The following B4GALT5 variants were observed in gnomAD, a reference collection of about 807,000 sequenced individuals.
The protein encoded by B4GALT5 is beta-1,4-galactosyltransferase 5.
A neutral mutation model predicts 45.0 loss-of-function variants in B4GALT5; 11 were observed. The ratio of observed to expected loss-of-function variants is 0.24; its 90% CI spans 0.15 to 0.40. B4GALT5 has a LOEUF of 0.40. B4GALT5 is among the 10% of genes least tolerant of loss of function. The probability of loss-of-function intolerance (pLI) is 1.00; values close to 1 mark genes in which losing one functional copy is unlikely to be tolerated. For missense variants in B4GALT5, 337 were observed against 500.2 expected, an observed-to-expected ratio of 0.67 and a Z score of 3.11; for synonymous variants, 185 against 182.9, an observed-to-expected ratio of 1.01 and a Z score of -0.09.
At chr20:49,677,625 G>A (rs1472345373) in intron 1 of B4GALT5, among the ~76,000 whole-genome samples, 2 of 152,150 alleles carry the variant, frequency 1.3e-5, no homozygotes, top group Non-Finnish European at 2.9e-5. Flanking sequence ...TTTTTCTTAC[G>A]CAGCTGAAAG....
chr20:49,683,119 C>T (rs1341776532), intron 1 of B4GALT5, among the ~76,000 whole-genome samples: 1 of 151,632 alleles, frequency 6.6e-6, no homozygotes, highest in Admixed American at 6.6e-5. Flanking sequence ...AAAAAAGTGA[C>T]ATAGAAGGAC....
chr20:49,638,298 G>A (rs2085562372), intron 7 of B4GALT5, among the ~76,000 whole-genome samples: 1 of 152,206 alleles, frequency 6.6e-6, no homozygotes, highest in Non-Finnish European at 1.5e-5. Context: ...GATTACAGGT[G>A]TGAGCCACAG....
intron 1 of B4GALT5, among the ~76,000 whole-genome samples, chr20:49,691,360 A>T (rs2085810776): frequency 6.6e-6 from 1 of 152,098 alleles, no homozygotes; most frequent in African/African-American, 2.4e-5. Flanking sequence ...CTACAAAAAA[A>T]ATTTTAAATT....
chr20:49,694,676 G>GGGAAAGGGAAAA lies in B4GALT5; in HGVS notation c.115+18899_115+18900insTTTTCCCTTTCC, dbSNP rs1001522702. Among the ~76,000 whole-genome samples the GGGAAAGGGAAAA allele has an allele frequency of 2.6e-4, 12 of 45,478 alleles. No homozygotes were observed. The South Asian group carries it at 8.1e-3, about 31-fold the overall frequency. The allele number at this position is 45,478 out of a possible 152,430, so 29.8% of individuals were successfully genotyped here. A position where few individuals can be genotyped will look rare whatever the true frequency, so the allele number is the denominator to read the frequency against. On this transcript the variant is annotated intron_variant, in intron 1 of 8. Coordinates refer to ENST00000371711, the MANE Select transcript of B4GALT5 (RefSeq NM_004776.4). ...AGGGAAAAGGAAAGGGAAAGGGAAA[G>GGGAAAGGGAAAA]GGAAAGGGAAAGGGAAAGGGAAAGG...
intron 2 of B4GALT5, among the ~76,000 whole-genome samples, chr20:49,648,782 C>T (rs1379499250): frequency 6.6e-6 from 1 of 152,164 alleles, no homozygotes; most frequent in East Asian, 1.9e-4. Context: ...CCTCCAACCT[C>T]ATTTTCTACA....
intron 1 of B4GALT5, among the ~76,000 whole-genome samples, chr20:49,663,433 CAT>C (rs1385969029): frequency 8.7e-6 from 1 of 115,132 alleles, no homozygotes; most frequent in Non-Finnish European, 2.0e-5. Flanking sequence ...TATGCACTCA[CAT>C]ATTTTTACAA....
intron 2 of B4GALT5, among the ~76,000 whole-genome samples, chr20:49,649,617 A>G (rs556823324): frequency 1.3e-5 from 2 of 152,138 alleles, no homozygotes; most frequent in Non-Finnish European, 1.5e-5. Flanking sequence ...CCAAGACAGA[A>G]CCTTAAAGAT....
At chr20:49,647,102 C>T (rs754807341) in intron 2 of B4GALT5, 24 bp from the exon 3 acceptor site, 42 of 1,477,112 alleles carry the variant, frequency 2.8e-5, no homozygotes, top group Admixed American at 2.0e-4. Flanking sequence ...GGAAAAAAGT[C>T]GATCAGACTG....
chr20:49,646,087 T>C (rs1456797990), intron 3 of B4GALT5, among the ~76,000 whole-genome samples: 1 of 152,198 alleles, frequency 6.6e-6, no homozygotes. Context: ...TAGTCCTAGC[T>C]CCTCAGGAGG....
intron 1 of B4GALT5, among the ~76,000 whole-genome samples, chr20:49,657,438 T>C (rs1307360224): frequency 1.3e-5 from 2 of 152,218 alleles, no homozygotes; most frequent in African/African-American, 2.4e-5. Context: ...AGTCTCTCTA[T>C]GATACAAAAC....
Position 49,713,643 on chromosome 20 carries a change from G to A in B4GALT5, c.48C>T (p.Leu16=). The A allele has an allele frequency of 1.3e-6, 2 of 1,576,364 alleles. No individual in the cohort carries two copies. Among genetic ancestry groups the A allele is most frequent in the Non-Finnish European group, 1.7e-6 (2 of 1,164,104 alleles). ...GLLRLPRRSL[L]AALFFFSLSS... is the part of the protein sequence containing the mutation. ...AGAGAGAAAAGAAGAAGAGCGCGGC[G>A]AGCAGCGAGCGGCGCGGCAGCCGCA... Residue 16 remains leucine, a synonymous_variant, in exon 1 of 9, where the codon CTC becomes CTT. Transcript: ENST00000371711.
intron 1 of B4GALT5, among the ~76,000 whole-genome samples, chr20:49,687,354 T>A (rs575620251): frequency 1.6e-4 from 25 of 152,286 alleles, no homozygotes; most frequent in Non-Finnish European, 2.2e-4. Flanking sequence ...ATTTATTGGA[T>A]TAATAAACAT....
At chr20:49,691,056 G>A (rs1195782187) in intron 1 of B4GALT5, among the ~76,000 whole-genome samples, 1 of 152,170 alleles carries the variant, frequency 6.6e-6, no homozygotes, top group Admixed American at 6.5e-5. Context: ...TTAAGAGATA[G>A]CAGATAAGAG....
At position 49,695,195 on chromosome 20, in the gene B4GALT5, T is replaced by C. The variant is rs553070086; in HGVS notation, c.115+18381A>G. On this transcript the variant is annotated intron_variant, in intron 1 of 8. Transcript: ENST00000371711. ...ATGGCTTTTATTGAACAATCTGGCA[T>C]AGTGCAGTAATTTTTTTTTTTTTTA... 4.3e-5 allele frequency among the ~76,000 whole-genome samples: 6 copies of C among 138,100 alleles called. No individual in the cohort carries two copies. The South Asian group carries it at 1.3e-3, about 30-fold the overall frequency. The allele number at this position is 138,100 out of a possible 152,430, so 90.6% of individuals were successfully genotyped here.
At chr20:49,636,574 T>G in intron 8 of B4GALT5, 115 bp from the exon 9 acceptor site, 1 of 1,233,010 alleles carries the variant, frequency 8.1e-7, no homozygotes. Flanking sequence ...GCAGCACTTC[T>G]GCAGCACAAG....
At chr20:49,696,111 G>A (rs1479688757) in intron 1 of B4GALT5, among the ~76,000 whole-genome samples, 1 of 152,172 alleles carries the variant, frequency 6.6e-6, no homozygotes, top group African/African-American at 2.4e-5. Context: ...ATGTGACCAG[G>A]GTAGCCCAAC....
intron 3 of B4GALT5, among the ~76,000 whole-genome samples, chr20:49,646,363 T>G (rs2123003445): frequency 6.6e-6 from 1 of 152,264 alleles, no homozygotes; most frequent in African/African-American, 2.4e-5. Context: ...CAGAGCAACT[T>G]CCATTCCTGC....
At position 49,710,397 on chromosome 20, in the gene B4GALT5, T is replaced by TTCTC. The variant is rs531057506; in HGVS notation, c.115+3175_115+3178dup. On this transcript the variant is annotated intron_variant, in intron 1 of 8. Coordinates refer to ENST00000371711, the MANE Select transcript of B4GALT5 (RefSeq NM_004776.4). ...CAACCTAATGTTATTTTCTGTTATT[T>TTCTC]TCTCTCTCTTTTTTTTTTTTTTGTG... Among the ~76,000 whole-genome samples the TTCTC allele has an allele frequency of 1.9e-4, 17 of 89,976 alleles. No homozygotes were observed. In the South Asian group the frequency reaches 2.4e-3, roughly 13 times the overall value. 59.0% of individuals were successfully genotyped at this position (89,976 alleles called of 152,430 possible).
rs189483859 is a variant in B4GALT5 at position 49,683,419 on chromosome 20, A to C, written c.116-26717T>G. Among the ~76,000 whole-genome samples, 498 of 106,712 alleles carry C rather than the reference A, an allele frequency of 4.7e-3. 2 individuals carry two copies. Among genetic ancestry groups the C allele is most frequent in the African/African-American group, 0.018 (473 of 26,516 alleles). 70.0% of individuals were successfully genotyped at this position (106,712 alleles called of 152,430 possible). On this transcript the variant is annotated intron_variant, in intron 1 of 8. Coordinates refer to ENST00000371711, the MANE Select transcript of B4GALT5 (RefSeq NM_004776.4). ...TTTTTTTTTTTTTTTTTGGAGATGGAGTCTCACTCTGTTGCCCAGGCTGGA... is the reference window on the plus strand; with the variant it reads ...TTTTTTTTTTTTTTTTTGGAGATGGCGTCTCACTCTGTTGCCCAGGCTGGA...
Sources: gnomAD v4.1 joint callset for allele counts (sites outside exome capture counted in the v4.1 genomes callset) on GRCh38, gnomAD v4.1.1 for gene constraint, MANE v1.5 for transcripts, NCBI Gene and HGNC (gene_info 2026-07-23, HGNC 2026-07-21) for gene names.